The following VTI1A variants were observed in gnomAD, a reference collection of about 807,000 sequenced individuals.
VTI1A encodes vesicle transport through interaction with t-SNAREs homolog 1A.
In VTI1A, 22 loss-of-function variants were observed where a neutral mutation model predicts 34.9. That is an observed-to-expected ratio of 0.63 (90% CI 0.45 to 0.90). The LOEUF (loss-of-function observed/expected upper bound fraction) is 0.90, where lower values mean the gene tolerates loss of function less well. VTI1A is among the 40% of genes least tolerant of loss of function. VTI1A has a pLI of 0.00. For missense variants in VTI1A, 268 were observed against 275.6 expected, an observed-to-expected ratio of 0.97 and a Z score of 0.20; for synonymous variants, 87 against 97.3, an observed-to-expected ratio of 0.89 and a Z score of 0.62.
chr10:112,770,053 AT>A (rs56067514), intron 7 of VTI1A, among the ~76,000 whole-genome samples: 4,928 of 144,786 alleles, frequency 0.034, 104 homozygotes, highest in Non-Finnish European at 0.047. Flanking sequence ...GTTGGCAACG[AT>A]TTTTTTTTTT....
chr10:112,475,550 A>G (rs528682391), intron 3 of VTI1A, among the ~76,000 whole-genome samples: 1 of 152,312 alleles, frequency 6.6e-6, no homozygotes, highest in South Asian at 2.1e-4. Flanking sequence ...GAGTTTTCCA[A>G]GTAGATGAAG....
chr10:112,527,391 T>C (rs962809216), intron 4 of VTI1A: 11 of 357,300 alleles, frequency 3.1e-5, no homozygotes, highest in East Asian at 2.8e-4. Context: ...AAAAAATCTT[T>C]TCTTCTCTTT....
At chr10:112,575,692 A>C (rs534056545) in intron 5 of VTI1A, among the ~76,000 whole-genome samples, 3 of 152,358 alleles carry the variant, frequency 2.0e-5, no homozygotes, top group Admixed American at 6.5e-5. Context: ...TTAATTGTTT[A>C]ATATTTAACT....
At chr10:112,719,798 A>G (rs1005066747) in intron 7 of VTI1A, among the ~76,000 whole-genome samples, 1 of 152,140 alleles carries the variant, frequency 6.6e-6, no homozygotes, top group Non-Finnish European at 1.5e-5. Context: ...TGCCCGTCTC[A>G]GCCTCCCAAA....
At chr10:112,602,003 G>C (rs1455012429) in intron 5 of VTI1A, among the ~76,000 whole-genome samples, 1 of 152,140 alleles carries the variant, frequency 6.6e-6, no homozygotes, top group Non-Finnish European at 1.5e-5. Context: ...ATTTTTCTGA[G>C]TGCTGGGGTT....
At chr10:112,464,889 G>A (rs1416953001) in intron 3 of VTI1A, 3 of 548,422 alleles carry the variant, frequency 5.5e-6, no homozygotes, top group Non-Finnish European at 9.7e-6. Flanking sequence ...GCGGCCCTTT[G>A]AGTCTGAATG....
chr10:112,498,047 T>C (rs1849090308), intron 3 of VTI1A, among the ~76,000 whole-genome samples: 1 of 152,200 alleles, frequency 6.6e-6, no homozygotes, highest in Non-Finnish European at 1.5e-5. Flanking sequence ...TAATTTTCAT[T>C]ATGATTCAGA....
intron 5 of VTI1A, among the ~76,000 whole-genome samples, chr10:112,562,463 T>G (rs770566215): frequency 2.0e-5 from 3 of 152,102 alleles, no homozygotes; most frequent in Non-Finnish European, 4.4e-5. Flanking sequence ...TATATTTTCC[T>G]AAGTAATAAA....
chr10:112,733,566 A>G (rs550555267), intron 7 of VTI1A, among the ~76,000 whole-genome samples: 1 of 152,136 alleles, frequency 6.6e-6, no homozygotes, highest in African/African-American at 2.4e-5. Flanking sequence ...TATTTGGTCA[A>G]AGTTATTCAT....
At chr10:112,541,718 T>G (rs554485100) in intron 5 of VTI1A, among the ~76,000 whole-genome samples, 1 of 152,356 alleles carries the variant, frequency 6.6e-6, no homozygotes, top group East Asian at 1.9e-4. Context: ...AGGCAGTCAT[T>G]GTCTCTTCTG....
At chr10:112,841,593 G>A in the VTI1A span, among the ~76,000 whole-genome samples, 1 of 152,148 alleles carries the variant, frequency 6.6e-6, no homozygotes, top group African/African-American at 2.4e-5. Flanking sequence ...TGCTGCCAGG[G>A]ACCAGGGAAA....
At chr10:112,675,502 C>T (rs1847991796) in intron 7 of VTI1A, among the ~76,000 whole-genome samples, 1 of 152,186 alleles carries the variant, frequency 6.6e-6, no homozygotes, top group Non-Finnish European at 1.5e-5. Context: ...TGAAGGCGCT[C>T]AGCTGCAGCT....
At chr10:112,528,901 G>A (rs1850334330) in intron 4 of VTI1A, among the ~76,000 whole-genome samples, 1 of 151,890 alleles carries the variant, frequency 6.6e-6, no homozygotes, top group Non-Finnish European at 1.5e-5. Flanking sequence ...TTCTCTTAAT[G>A]GACATTTTAT....
intron 3 of VTI1A, among the ~76,000 whole-genome samples, chr10:112,497,742 G>A (rs1236388483): frequency 6.6e-6 from 1 of 152,164 alleles, no homozygotes; most frequent in Non-Finnish European, 1.5e-5. Flanking sequence ...GTTACTCAGT[G>A]TATTGAGTGA....
At chr10:112,545,280 T>C (rs1851034398) in intron 5 of VTI1A, among the ~76,000 whole-genome samples, 1 of 152,252 alleles carries the variant, frequency 6.6e-6, no homozygotes, top group South Asian at 2.1e-4. Flanking sequence ...TATTAATCTT[T>C]GTGCCTTGTA....
At chr10:112,584,825 A>T (rs1324001438) in intron 5 of VTI1A, among the ~76,000 whole-genome samples, 1 of 152,218 alleles carries the variant, frequency 6.6e-6, no homozygotes, top group Non-Finnish European at 1.5e-5. Flanking sequence ...GTGAGTTGGG[A>T]TAGCATATTC....
chr10:112,643,102 A>G (rs1488276903), intron 5 of VTI1A, among the ~76,000 whole-genome samples: 1 of 149,198 alleles, frequency 6.7e-6, no homozygotes, highest in African/African-American at 2.5e-5. Flanking sequence ...CTCATGCCTC[A>G]GCCTCCCAGG....
chr10:112,604,497 A>G (rs1362173326), intron 5 of VTI1A, among the ~76,000 whole-genome samples: 1 of 152,140 alleles, frequency 6.6e-6, no homozygotes, highest in Non-Finnish European at 1.5e-5. Context: ...ATACACTAGG[A>G]TTAAAATAAG....
rs775988341 is a variant in VTI1A, at chr10:112,447,360, G to C, written c.-14G>C. On this transcript the variant is annotated 5_prime_UTR_variant, in exon 1 of 8. Coordinates refer to ENST00000393077, the MANE Select transcript of VTI1A (RefSeq NM_145206.4). ...ACCTAGGCTTTGGCCTGGGCTACTC[G>C]TTCCGGAGCCGCCATGTCGTCCGAC... is the stretch of plus-strand genomic sequence containing the variant. 1.2e-6 allele frequency: 2 copies of C among 1,611,884 alleles called. No homozygotes were observed. The highest frequency in any genetic ancestry group is 1.1e-5 in the South Asian group (1 of 90,804).
Sources: allele counts gnomAD v4.1 joint callset (sites outside exome capture counted in the v4.1 genomes callset), GRCh38; gene constraint gnomAD v4.1.1; transcripts MANE v1.5; gene names NCBI Gene and HGNC (gene_info 2026-07-23, HGNC 2026-07-21).